Variants in LTBP2 observed in about 807,000 individuals in gnomAD.
LTBP2 encodes latent-transforming growth factor beta-binding protein 2.
A neutral mutation model predicts 210.6 loss-of-function variants in LTBP2; 103 were observed. The ratio of observed to expected loss-of-function variants is 0.49; its 90% confidence interval spans 0.42 to 0.58. LTBP2 has a LOEUF of 0.58. Among genes scored for constraint, LTBP2 ranks in the 20% least tolerant of loss-of-function variants. The probability of loss-of-function intolerance (pLI) is 0.00; values close to 1 mark genes in which losing one functional copy is unlikely to be tolerated. For synonymous variants in LTBP2, 1,007 were observed against 1,015.0 expected (o/e 0.99, Z 0.15); for missense variants, 2,313 against 2,494.5 (o/e 0.93, Z 1.55).
intron 3 of LTBP2, among the ~76,000 whole-genome samples, chr14:74,562,523 G>GA (rs2139760471): frequency 6.6e-6 from 1 of 152,184 alleles, no homozygotes; most frequent in African/African-American, 2.4e-5. Context: ...GTATCAGAGA[G>GA]AAAAGATGAG....
chr14:74,504,223 G>C (rs2086953433), intron 30 of LTBP2, among the ~76,000 whole-genome samples, 169 bp from the exon 31 acceptor site: 1 of 152,226 alleles, frequency 6.6e-6, no homozygotes, highest in Non-Finnish European at 1.5e-5. Context: ...CATACTCTTA[G>C]AGTTGTTGTA....
At position 74,611,791 on chromosome 14, in the gene LTBP2, G is replaced by C. The variant is rs748534998; in HGVS notation, c.154C>G (p.Arg52Gly). The change falls in exon 1 of 36, where the codon CGA becomes GGA. Residue 52 changes from arginine (R) to glycine (G), a missense_variant. Transcript: ENST00000261978. ...TAGCTGCCCCCAGGGCGCCGCAGTCGATTCGCGTCTCCACCAGCCGGCTCG... is the reference window on the plus strand; with the variant it reads ...TAGCTGCCCCCAGGGCGCCGCAGTCCATTCGCGTCTCCACCAGCCGGCTCG... Reference protein sequence around the residue: ...RYEPAGGDANRLRRPGGSYPA... With the variant: ...RYEPAGGDANGLRRPGGSYPA... The C allele has an allele frequency of 1.2e-6, 2 of 1,610,786 alleles. No individual in the cohort carries two copies. Among genetic ancestry groups the C allele is most frequent in the Non-Finnish European group, 8.5e-7 (1 of 1,179,612 alleles).
Position 74,501,493 on chromosome 14 carries a change from G to GTAC in LTBP2, c.5267_5268insGTA (p.Thr1756_Cys1757insTyr). ...GCTGGAAGCCCTCAAAACAGTCACAGGTGTAGCCCTCCCGCACGCGCACAC... is the reference window on the plus strand; with the variant it reads ...GCTGGAAGCCCTCAAAACAGTCACAGTACGTGTAGCCCTCCCGCACGCGCACAC... On this transcript the variant is annotated inframe_insertion, in exon 35 of 36. Transcript: ENST00000261978. 1 of 1,614,198 alleles carries GTAC rather than the reference G, an allele frequency of 6.2e-7. No individual in the cohort carries two copies. The highest frequency in any genetic ancestry group is 8.5e-7 in the Non-Finnish European group (1 of 1,180,022).
In LTBP2 at chr14:74,551,265, C is replaced by A; in HGVS notation, c.1485G>T (p.Arg495=). 5 of 1,610,060 alleles carry A rather than the reference C, an allele frequency of 3.1e-6. No individual in the cohort carries two copies. The highest frequency in any genetic ancestry group is 2.2e-5 in the East Asian group (1 of 44,738). The change falls in exon 7 of 36, where the codon CGG becomes CGT. Residue 495 remains arginine, a synonymous_variant. Transcript: ENST00000261978. ...CCACTAGGGCCTCCTCCACCCCGCC[C>A]CGCACCTGGGCCACCTGGTGGATCT... The part of the protein sequence containing the change: ...SVQIHQVAQV[R]GGVEEALVEN...
intron 3 of LTBP2, 25 bp downstream of exon 3, chr14:74,585,829 A>G (rs753003016): frequency 4.3e-6 from 7 of 1,613,858 alleles, no homozygotes; most frequent in Non-Finnish European, 5.9e-6. Flanking sequence ...CCCAGACCCC[A>G]AGCCCCATGG....
At chr14:74,561,367 G>A (rs1160681952) in intron 3 of LTBP2, among the ~76,000 whole-genome samples, 1 of 152,152 alleles carries the variant, frequency 6.6e-6, no homozygotes, top group Non-Finnish European at 1.5e-5. Context: ...TTATGAACAT[G>A]AAGCCAGATA....
At chr14:74,582,401 C>CACACACACACACAT in intron 3 of LTBP2, among the ~76,000 whole-genome samples, 1 of 23,488 alleles carries the variant, frequency 4.3e-5, no homozygotes, top group African/African-American at 1.5e-4. Context: ...CATACATACA[C>CACACACACACACAT]ACACACACAC....
chr14:74,535,634 C>T (rs1039777293), intron 9 of LTBP2, among the ~76,000 whole-genome samples: 1 of 152,194 alleles, frequency 6.6e-6, no homozygotes, highest in African/African-American at 2.4e-5. Flanking sequence ...TGGGGTGGCC[C>T]CTTCAGACAC....
chr14:74,599,453 G>A (rs1248897321), intron 2 of LTBP2, among the ~76,000 whole-genome samples: 2 of 152,224 alleles, frequency 1.3e-5, no homozygotes, highest in Non-Finnish European at 2.9e-5. Flanking sequence ...GGGAAGAATG[G>A]ACAGTCTTCC....
At chr14:74,531,022 T>G (rs2139721665) in intron 10 of LTBP2, among the ~76,000 whole-genome samples, 1 of 152,364 alleles carries the variant, frequency 6.6e-6, no homozygotes, top group Middle Eastern at 3.4e-3. Flanking sequence ...GTGCAAACTC[T>G]GCTTCTAGCA....
rs1009513268 is a variant in LTBP2 at position 74,586,825 on chromosome 14, C to A, written c.566-707G>T. Among the ~76,000 whole-genome samples, 1 of 152,172 alleles carries A rather than the reference C, an allele frequency of 6.6e-6. No individual in the cohort carries two copies. The highest frequency in any genetic ancestry group is 6.5e-5 in the Admixed American group (1 of 15,286). ...CTCTCGACTGCGGCCAGAGAAAGCACGGTGGCCAGAATATAGCTGCCGGCA... is the reference window on the plus strand; with the variant it reads ...CTCTCGACTGCGGCCAGAGAAAGCAAGGTGGCCAGAATATAGCTGCCGGCA... On this transcript the variant is annotated intron_variant, in intron 2 of 35. Coordinates refer to ENST00000261978, the MANE Select transcript of LTBP2 (RefSeq NM_000428.3). This position sits in a 1 kb window ranked among gnomAD's most constrained non-coding sequence, Gnocchi z 4.6.
At chr14:74,508,319 G>A (rs983342797) in intron 24 of LTBP2, among the ~76,000 whole-genome samples, 1 of 152,158 alleles carries the variant, frequency 6.6e-6, no homozygotes, top group African/African-American at 2.4e-5. Context: ...GGGGAGAAGT[G>A]ACACTCGGAG....
At chr14:74,598,751 GA>G (rs1343981469) in intron 2 of LTBP2, among the ~76,000 whole-genome samples, 6 of 152,164 alleles carry the variant, frequency 3.9e-5, no homozygotes, top group Admixed American at 2.6e-4. Flanking sequence ...TGGTGGAGCT[GA>G]GAGCTGACAT....
chr14:74,566,615 C>T (rs1006045008), intron 3 of LTBP2, among the ~76,000 whole-genome samples: 5 of 152,102 alleles, frequency 3.3e-5, no homozygotes, highest in Non-Finnish European at 5.9e-5. Context: ...GATAGGGAGA[C>T]GAGTAGGGAC....
intron 4 of LTBP2, among the ~76,000 whole-genome samples, chr14:74,554,928 G>A (rs1250151680): frequency 6.6e-6 from 1 of 151,950 alleles, no homozygotes; most frequent in Non-Finnish European, 1.5e-5. Context: ...TCTCTGGGAG[G>A]TGGGGGCATG....
At chr14:74,507,418 T>C (rs892957400) in intron 25 of LTBP2, 108 bp from the exon 26 acceptor site, 2 of 1,473,156 alleles carry the variant, frequency 1.4e-6, no homozygotes, top group African/African-American at 1.4e-5. Flanking sequence ...TATTCCAAAT[T>C]ACTGTGCTCA....
At chr14:74,559,571 G>C (rs2139757196) in intron 3 of LTBP2, among the ~76,000 whole-genome samples, 1 of 152,244 alleles carries the variant, frequency 6.6e-6, no homozygotes, top group East Asian at 1.9e-4. Context: ...CTCAACTCTG[G>C]ATCCCTGGTG....
intron 9 of LTBP2, among the ~76,000 whole-genome samples, chr14:74,533,755 A>C (rs2087382102): frequency 6.6e-6 from 1 of 152,196 alleles, no homozygotes; most frequent in African/African-American, 2.4e-5. Context: ...CTGTGACCTC[A>C]AAGGGGGAAA....
chr14:74,582,393 TACATACACACAC>T (rs1236020857), intron 3 of LTBP2, among the ~76,000 whole-genome samples: 2 of 87,518 alleles, frequency 2.3e-5, no homozygotes, highest in African/African-American at 9.4e-5. Context: ...CACACACACA[TACATACACACAC>T]ACACACACAC....
Sources: gnomAD v4.1 joint callset for allele counts (sites outside exome capture counted in the v4.1 genomes callset) on GRCh38, gnomAD v4.1.1 for gene constraint, Gnocchi (gnomAD v3.1) non-coding constraint, MANE v1.5 for transcripts, NCBI Gene and HGNC (gene_info 2026-07-23, HGNC 2026-07-21) for gene names.